KANSL1: variants seen among roughly 807,000 people sequenced by gnomAD.
KANSL1 encodes the protein MLL1/MLL complex subunit KANSL1.
In KANSL1, 22 loss-of-function variants were observed where a neutral mutation model predicts 103.6. The observed-to-expected ratio is 0.21, with a 90% CI of 0.15 to 0.30. The LOEUF is 0.30. KANSL1 is among the 10% of genes least tolerant of loss of function. The pLI is 1.00. For missense variants in KANSL1, 1,337 were observed against 1,399.8 expected (o/e 0.96, Z 0.72); for synonymous variants, 600 against 527.6 (o/e 1.14, Z -1.88).
chr17:46,090,464 T>C (rs1195922165), intron 3 of KANSL1, among the ~76,000 whole-genome samples: 2 of 152,248 alleles, frequency 1.3e-5, no homozygotes, highest in Non-Finnish European at 2.9e-5. Flanking sequence ...ACTATCAACC[T>C]AGTTTTATTC....
chr17:46,134,343 G>C (rs2044014597), intron 2 of KANSL1, among the ~76,000 whole-genome samples: 1 of 152,148 alleles, frequency 6.6e-6, no homozygotes, highest in Admixed American at 6.5e-5. Flanking sequence ...GTTGCAGTGA[G>C]CTGAGGTCGC....
At chr17:46,056,588 T>A (rs1310365344) in intron 6 of KANSL1, among the ~76,000 whole-genome samples, 1 of 112,816 alleles carries the variant, frequency 8.9e-6, no homozygotes, top group Non-Finnish European at 2.4e-5. Flanking sequence ...TAGCTACTGA[T>A]AGAACATTTA....
chr17:46,214,879 T>C (rs938059548), intron 1 of KANSL1, among the ~76,000 whole-genome samples: 1 of 152,246 alleles, frequency 6.6e-6, no homozygotes, highest in Non-Finnish European at 1.5e-5. Context: ...GCAAATCTGA[T>C]AGGTAAAAAA....
Position 46,171,555 on chromosome 17 carries a change from C to G in KANSL1, c.589G>C (p.Glu197Gln). 6.2e-7 allele frequency: 1 copy of G among 1,609,922 alleles called. No individual in the cohort carries two copies. The highest frequency in any genetic ancestry group is 8.5e-7 in the Non-Finnish European group (1 of 1,178,108). ...ATACCCCCCTTCAAGTCCCCAGATT[C>G]AGATCCTCCCATTTCACCCCCATGA... ...ALHGGEMGGS[E>Q]SGDLKGGMTN... The change falls in exon 2 of 15, where the codon GAA becomes CAA. Residue 197 changes from glutamate to glutamine, a missense_variant. By Grantham distance (29) the Glu-to-Gln change is conservative (BLOSUM62 2). Transcript: ENST00000432791.
chr17:46,166,213 CAAA>C (rs147552413), intron 2 of KANSL1, among the ~76,000 whole-genome samples: 3 of 95,080 alleles, frequency 3.2e-5, no homozygotes, highest in Non-Finnish European at 6.4e-5. Context: ...GACTCTGTCT[CAAA>C]AAAAAAAAAA....
At chr17:46,077,779 A>C (rs181310143) in intron 4 of KANSL1, among the ~76,000 whole-genome samples, 7 of 152,076 alleles carry the variant, frequency 4.6e-5, no homozygotes, top group African/African-American at 1.4e-4. Flanking sequence ...ACTGGTCTCA[A>C]ACTTCTGACC....
intron 2 of KANSL1, among the ~76,000 whole-genome samples, chr17:46,124,132 C>T (rs1403206906): frequency 6.6e-6 from 1 of 152,226 alleles, no homozygotes; most frequent in Non-Finnish European, 1.5e-5. Context: ...GGTGCAGTGG[C>T]TCATGCCTGT....
At chr17:46,129,017 T>C (rs1167836634) in intron 2 of KANSL1, among the ~76,000 whole-genome samples, 1 of 152,096 alleles carries the variant, frequency 6.6e-6, no homozygotes, top group African/African-American at 2.4e-5. Context: ...ATGAGGAATG[T>C]TATTTATTTT....
intron 2 of KANSL1, among the ~76,000 whole-genome samples, chr17:46,114,926 T>C (rs771520590): frequency 1.3e-5 from 2 of 152,230 alleles, no homozygotes; most frequent in Non-Finnish European, 2.9e-5. Flanking sequence ...TTTTTAACAG[T>C]TTCTCCTTTT....
intron 7 of KANSL1, chr17:46,046,046 A>G (rs1314221429): frequency 6.6e-6 from 1 of 152,180 alleles, no homozygotes; most frequent in Non-Finnish European, 1.5e-5. Flanking sequence ...CCAGAATCCC[A>G]AAAAGGGTAA....
At chr17:46,176,671 A>G (rs1388278327) in intron 1 of KANSL1, among the ~76,000 whole-genome samples, 2 of 152,014 alleles carry the variant, frequency 1.3e-5, no homozygotes, top group Middle Eastern at 3.4e-3. Context: ...AGCCGGGGCA[A>G]CAAGAGCAAG....
chr17:46,053,470 CAAG>C (rs2077800706), intron 6 of KANSL1, among the ~76,000 whole-genome samples: 1 of 151,556 alleles, frequency 6.6e-6, no homozygotes, highest in Admixed American at 6.6e-5. Context: ...TTTTTTGAGA[CAAG>C]AGTCTTGCTC....
At chr17:46,134,370 C>T (rs2044016183) in intron 2 of KANSL1, among the ~76,000 whole-genome samples, 1 of 151,898 alleles carries the variant, frequency 6.6e-6, no homozygotes, top group Non-Finnish European at 1.5e-5. Flanking sequence ...GCACTACAGC[C>T]TGGGCAACAA....
At chr17:46,152,363 AACTT>A (rs2147503841) in intron 2 of KANSL1, among the ~76,000 whole-genome samples, 1 of 152,354 alleles carries the variant, frequency 6.6e-6, no homozygotes, top group East Asian at 1.9e-4. Context: ...ACTTCTTAAT[AACTT>A]ACTTATAAAA....
rs200720272 is a variant in KANSL1, at chr17:46,094,667, G to A, written c.1324C>T (p.Arg442Trp). The change falls in exon 3 of 15, where the codon CGG becomes TGG. Residue 442 changes from arginine to tryptophan, a missense_variant. Arg to Trp is a moderately radical substitution (Grantham distance 101). Coordinates refer to ENST00000432791, the MANE Select transcript of KANSL1 (RefSeq NM_015443.4). ...TTCCAGCGGCTGACAATAGCTGCCCGGTCTGCAGCCCATTTCCATTCTGAC... is the reference window on the plus strand; with the variant it reads ...TTCCAGCGGCTGACAATAGCTGCCCAGTCTGCAGCCCATTTCCATTCTGAC... ...RRSEWKWAAD[R>W]AAIVSRWNWL... The A allele has an allele frequency of 1.3e-5, 21 of 1,614,098 alleles. No individual in the cohort carries two copies. The highest frequency in any genetic ancestry group is 5.0e-5 in the Admixed American group (3 of 59,994).
chr17:46,153,268 A>G (rs1159300413), intron 2 of KANSL1, among the ~76,000 whole-genome samples: 5 of 152,226 alleles, frequency 3.3e-5, no homozygotes, highest in Non-Finnish European at 5.9e-5. Flanking sequence ...GAATAATTAT[A>G]AAACTATTAG....
chr17:46,087,170 C>A (rs1055940613), intron 3 of KANSL1, among the ~76,000 whole-genome samples: 2 of 152,170 alleles, frequency 1.3e-5, no homozygotes, highest in Admixed American at 1.3e-4. Flanking sequence ...GCTTCCACAA[C>A]CAGAAGAATG....
chr17:46,079,266 C>G (rs887680600), intron 4 of KANSL1, among the ~76,000 whole-genome samples: 1 of 152,170 alleles, frequency 6.6e-6, no homozygotes, highest in Non-Finnish European at 1.5e-5. Context: ...ATTCAAGACC[C>G]AAGCAGATAT....
At chr17:46,087,571 G>A (rs2079213973) in intron 3 of KANSL1, among the ~76,000 whole-genome samples, 2 of 152,190 alleles carry the variant, frequency 1.3e-5, no homozygotes, top group Admixed American at 1.3e-4. Flanking sequence ...CAGACAAAGA[G>A]ACAAAGTATT....
Sources: allele counts gnomAD v4.1 joint callset (sites outside exome capture counted in the v4.1 genomes callset), GRCh38; gene constraint gnomAD v4.1.1; transcripts MANE v1.5; gene names NCBI Gene and HGNC (gene_info 2026-07-23, HGNC 2026-07-21).